The following ACOXL variants were observed in gnomAD, a reference collection of about 807,000 sequenced individuals.
ACOXL encodes acyl-coenzyme A oxidase-like protein.
Under a neutral mutation model 71.9 loss-of-function variants are expected in ACOXL, and 70 were observed. The ratio of observed to expected loss-of-function variants is 0.97; its 90% CI spans 0.80 to 1.19. The LOEUF is 1.19. ACOXL is among the 50% of genes most tolerant of loss of function. ACOXL has a pLI of 0.00. For synonymous variants in ACOXL, 253 were observed against 281.6 expected, an observed-to-expected ratio of 0.90 and a Z score of 1.02; for missense variants, 703 against 736.3, an observed-to-expected ratio of 0.95 and a Z score of 0.52.
chr2:110,986,479 G>A (rs971982732), intron 12 of ACOXL, among the ~76,000 whole-genome samples: 6 of 152,212 alleles, frequency 3.9e-5, no homozygotes, highest in African/African-American at 1.4e-4. Flanking sequence ...TGCTGTGGCA[G>A]CAGCATGTCG....
chr2:110,782,417 T>C (rs1389242838), intron 2 of ACOXL, among the ~76,000 whole-genome samples: 1 of 152,216 alleles, frequency 6.6e-6, no homozygotes, highest in African/African-American at 2.4e-5. Context: ...AGTAAGGCAG[T>C]CATTCTTATT....
intron 14 of ACOXL, among the ~76,000 whole-genome samples, chr2:111,029,760 C>A (rs1258401310): frequency 6.6e-6 from 1 of 152,204 alleles, no homozygotes; most frequent in Non-Finnish European, 1.5e-5. Flanking sequence ...CTCCAATGTC[C>A]TGCAACAGCA....
chr2:110,877,052 C>T (rs993844450), intron 10 of ACOXL, among the ~76,000 whole-genome samples: 2 of 152,174 alleles, frequency 1.3e-5, no homozygotes, highest in Non-Finnish European at 2.9e-5. Flanking sequence ...GGCCCTGTTG[C>T]CCCCCATATC....
At chr2:111,035,822 T>C (rs1286055333) in intron 15 of ACOXL, among the ~76,000 whole-genome samples, 1 of 152,266 alleles carries the variant, frequency 6.6e-6, no homozygotes, top group Non-Finnish European at 1.5e-5. Context: ...TTAGTGCTTG[T>C]TGCAGTATTC....
At chr2:110,978,670 CAT>C (rs1473620844) in intron 12 of ACOXL, among the ~76,000 whole-genome samples, 1 of 152,160 alleles carries the variant, frequency 6.6e-6, no homozygotes, top group Non-Finnish European at 1.5e-5. Flanking sequence ...GAGCTATAAA[CAT>C]AAGGTGTTTA....
At chr2:110,916,992 G>T (rs2149272879) in intron 11 of ACOXL, among the ~76,000 whole-genome samples, 1 of 152,288 alleles carries the variant, frequency 6.6e-6, no homozygotes, top group Middle Eastern at 3.4e-3. Flanking sequence ...AGAGGCGCTG[G>T]TACCATTCCT....
At chr2:111,117,365 A>G (rs1375276828) in intron 17 of ACOXL, among the ~76,000 whole-genome samples, 2 of 152,222 alleles carry the variant, frequency 1.3e-5, no homozygotes, top group African/African-American at 4.8e-5. Context: ...GACCGACCCC[A>G]CGTCCACGCC....
Position 111,117,885 on chromosome 2 carries a change from C to G in ACOXL, c.*69C>G, listed in dbSNP as rs1291484585. 4 of 1,484,504 alleles carry G rather than the reference C, an allele frequency of 2.7e-6. No homozygotes were observed. The African/African-American group carries it at 5.6e-5, about 21-fold the overall frequency. 92.0% of individuals were successfully genotyped at this position (1,484,504 alleles called of 1,614,324 possible). ...ACGCTCGCTCCACCGACGCCCAGAG[C>G]TGTGGCCGAGGCCGGGGGCTGGCAC... On this transcript the variant is annotated 3_prime_UTR_variant, in exon 18 of 18. Coordinates refer to ENST00000439055, the MANE Select transcript of ACOXL (RefSeq NM_001142807.4).
chr2:110,799,263 A>G (rs973647935), intron 7 of ACOXL, among the ~76,000 whole-genome samples, 163 bp downstream of exon 7: 1 of 152,252 alleles, frequency 6.6e-6, no homozygotes, highest in East Asian at 1.9e-4. Context: ...TCTTTTATGT[A>G]GAACTGTTCA....
chr2:110,806,269 C>T (rs1686628235), intron 9 of ACOXL, among the ~76,000 whole-genome samples: 1 of 152,224 alleles, frequency 6.6e-6, no homozygotes, highest in Non-Finnish European at 1.5e-5. Flanking sequence ...CAGCTGTGGC[C>T]ATCAACACGC....
intron 11 of ACOXL, among the ~76,000 whole-genome samples, chr2:110,928,212 C>A (rs4849255): frequency 6.6e-6 from 1 of 152,010 alleles, no homozygotes; most frequent in Non-Finnish European, 1.5e-5. Context: ...AGCTAACACA[C>A]ATTCAAGTTC....
At chr2:110,894,446 C>T (rs930919552) in intron 10 of ACOXL, among the ~76,000 whole-genome samples, 2 of 151,996 alleles carry the variant, frequency 1.3e-5, no homozygotes. Flanking sequence ...TCAAACACCA[C>T]CAAAAAAACT....
chr2:111,079,776 G>C (rs2067798418), intron 16 of ACOXL, among the ~76,000 whole-genome samples: 2 of 148,870 alleles, frequency 1.3e-5, no homozygotes, highest in Non-Finnish European at 3.0e-5. Context: ...TCATCTCTAT[G>C]TTACCCAGAA....
At chr2:110,924,473 G>A (rs2060197242) in intron 11 of ACOXL, among the ~76,000 whole-genome samples, 1 of 152,160 alleles carries the variant, frequency 6.6e-6, no homozygotes, top group South Asian at 2.1e-4. Context: ...AAGTTTACAT[G>A]ATATTTTAAA....
intron 9 of ACOXL, among the ~76,000 whole-genome samples, chr2:110,828,174 G>T (rs1216768080): frequency 6.6e-6 from 1 of 152,106 alleles, no homozygotes; most frequent in Non-Finnish European, 1.5e-5. Context: ...GTCTTACTAT[G>T]TTGCCCACGC....
At chr2:110,814,872 G>A (rs1005385475) in intron 9 of ACOXL, among the ~76,000 whole-genome samples, 1 of 152,070 alleles carries the variant, frequency 6.6e-6, no homozygotes, top group Non-Finnish European at 1.5e-5. Context: ...TTTGATAATT[G>A]TAACTTTTTA....
At chr2:111,012,288 C>T (rs1039521649) in intron 14 of ACOXL, among the ~76,000 whole-genome samples, 2 of 152,080 alleles carry the variant, frequency 1.3e-5, no homozygotes, top group Non-Finnish European at 2.9e-5. Context: ...TTTTGAGGTG[C>T]CTACTTTTTT....
chr2:110,950,018 C>T (rs996407213), intron 12 of ACOXL, among the ~76,000 whole-genome samples: 2 of 149,900 alleles, frequency 1.3e-5, no homozygotes, highest in African/African-American at 2.5e-5. Flanking sequence ...AAACAATCCT[C>T]TGTCTTTTTT....
At chr2:110,764,197 A>G (rs1370850061) in intron 1 of ACOXL, among the ~76,000 whole-genome samples, 1 of 152,244 alleles carries the variant, frequency 6.6e-6, no homozygotes, top group Non-Finnish European at 1.5e-5. Context: ...ACGTGCACAC[A>G]GAAACCTGCA....
Sources: gnomAD v4.1 joint callset for allele counts (sites outside exome capture counted in the v4.1 genomes callset) on GRCh38, gnomAD v4.1.1 for gene constraint, MANE v1.5 for transcripts, NCBI Gene and HGNC (gene_info 2026-07-23, HGNC 2026-07-21) for gene names.